The following ERMP1 variants were observed in gnomAD, a reference collection of about 807,000 sequenced individuals.
The protein encoded by ERMP1 is endoplasmic reticulum metallopeptidase 1.
ERMP1 carries 86 observed loss-of-function variants against 92.0 expected under a neutral mutation model. That is an observed-to-expected ratio of 0.93 (90% CI 0.79 to 1.12). The LOEUF is 1.12. Among genes scored for constraint, ERMP1 ranks in the 50% most tolerant of loss-of-function variants. The pLI, the probability that ERMP1 is intolerant of heterozygous loss-of-function variation, is 0.00. For missense variants in ERMP1, 1,342 were observed against 1,116.3 expected, an observed-to-expected ratio of 1.20 and a Z score of -2.88; for synonymous variants, 530 against 412.8, an observed-to-expected ratio of 1.28 and a Z score of -3.44.
intron 13 of ERMP1, among the ~76,000 whole-genome samples, chr9:5,796,046 G>A (rs1828411910): frequency 6.6e-6 from 1 of 152,110 alleles, no homozygotes; most frequent in African/African-American, 2.4e-5. Context: ...CTACAGAACT[G>A]ATGAAAGAAA....
chr9:5,866,841 C>A (rs1226710275), intron 5 of ERMP1, among the ~76,000 whole-genome samples: 3 of 152,104 alleles, frequency 2.0e-5, no homozygotes, highest in Non-Finnish European at 4.4e-5. Flanking sequence ...TATTCGTGAG[C>A]CCTCAGGCAA....
intron 6 of ERMP1, among the ~76,000 whole-genome samples, chr9:5,854,541 C>CT (rs1490585863): frequency 6.6e-6 from 1 of 152,126 alleles, no homozygotes; most frequent in African/African-American, 2.4e-5. Flanking sequence ...TGGTCTTATA[C>CT]TTTTTTCTGA....
chr9:5,810,888 G>C (rs892860014), intron 7 of ERMP1, among the ~76,000 whole-genome samples: 1 of 151,954 alleles, frequency 6.6e-6, no homozygotes, highest in African/African-American at 2.4e-5. Context: ...GTTTCTATGT[G>C]GTACTTTTAT....
chr9:5,809,977 C>G (rs2131236137), intron 8 of ERMP1, 34 bp downstream of exon 8: 1 of 1,437,214 alleles, frequency 7.0e-7, no homozygotes, highest in Non-Finnish European at 9.8e-7. Flanking sequence ...CTGGAGGCAA[C>G]AGAAAGAAAT....
upstream of ERMP1, chr9:5,833,192 T>C: frequency 1.6e-6 from 1 of 630,320 alleles, no homozygotes; most frequent in Non-Finnish European, 2.5e-6. Context: ...ACCCAGCTTC[T>C]TTGGCAGTTC....
intron 13 of ERMP1, among the ~76,000 whole-genome samples, chr9:5,789,165 G>C (rs76506047): frequency 0.044 from 6,688 of 151,954 alleles, 279 homozygotes; most frequent in South Asian, 0.22. Flanking sequence ...CATTGAAAGA[G>C]ACTACCAGGC....
intron 1 of ERMP1, 149 bp from the exon 2 acceptor site, chr9:5,831,177 A>G (rs1289714174): frequency 1.6e-6 from 1 of 615,978 alleles, no homozygotes; most frequent in Non-Finnish European, 2.8e-6. Context: ...TTCAGACACC[A>G]AGTGAACATC....
chr9:5,784,950 G>C lies in ERMP1; in HGVS notation c.*2194C>G, dbSNP rs1178902439. ...AGACCCTTTTAGAAATTATTTAAATGATCACTCTTTAAAAATTTTTTTTAA... is the reference window on the plus strand; with the variant it reads ...AGACCCTTTTAGAAATTATTTAAATCATCACTCTTTAAAAATTTTTTTTAA... On this transcript the variant is annotated 3_prime_UTR_variant, in exon 15 of 15. Transcript: ENST00000339450. 3 of 152,020 alleles carry C rather than the reference G, an allele frequency of 2.0e-5. No individual in the cohort carries two copies. Among genetic ancestry groups the C allele is most frequent in the Admixed American group, 2.0e-4 (3 of 15,272 alleles). The allele number at this position is 152,020 out of a possible 1,614,324, so 9.4% of individuals were successfully genotyped here. A position where few individuals can be genotyped will look rare whatever the true frequency, so the allele number is the denominator to read the frequency against.
At chr9:5,818,567 T>C (rs1829409038) in intron 4 of ERMP1, among the ~76,000 whole-genome samples, 1 of 151,946 alleles carries the variant, frequency 6.6e-6, no homozygotes, top group Non-Finnish European at 1.5e-5. Context: ...AGTAAAAAAC[T>C]GGCTGGGCAT....
At chr9:5,806,497 G>T in intron 8 of ERMP1, among the ~76,000 whole-genome samples, 1 of 149,936 alleles carries the variant, frequency 6.7e-6, no homozygotes, top group East Asian at 2.0e-4. Context: ...GTGCGATCTC[G>T]GCCCACTGCA....
chr9:5,819,852 G>C (rs1829463236), intron 4 of ERMP1, among the ~76,000 whole-genome samples: 1 of 152,220 alleles, frequency 6.6e-6, no homozygotes, highest in African/African-American at 2.4e-5. Context: ...TAGACAGGCA[G>C]TTGCCTAGGG....
chr9:5,847,118 T>A (rs1283428527), intron 6 of ERMP1, among the ~76,000 whole-genome samples: 1 of 152,192 alleles, frequency 6.6e-6, no homozygotes, highest in Non-Finnish European at 1.5e-5. Flanking sequence ...GTAAATTGAA[T>A]TTGCTGTTTA....
At chr9:5,854,415 C>G (rs1830346894) in intron 6 of ERMP1, among the ~76,000 whole-genome samples, 1 of 152,144 alleles carries the variant, frequency 6.6e-6, no homozygotes, top group Non-Finnish European at 1.5e-5. Context: ...TTATAATATG[C>G]TTGGGTCACT....
rs145639054 is a variant in ERMP1, at chr9:5,797,894, C to T, written c.2309G>A (p.Arg770Lys). ...WYLPAPEVSP[R>K]NPPHFRLISK... is the part of the protein sequence containing the mutation. ...TATGAGTCGGAAATGAGGAGGATTT[C>T]TTGGAGAAACTTCTGGGGCAGGAAG... is the stretch of plus-strand genomic sequence containing the variant. The change falls in exon 13 of 15, where the codon AGA (arginine) becomes AAA (lysine). Residue 770 changes from arginine (R) to lysine (K), a missense_variant. Transcript: ENST00000339450. The T allele has an allele frequency of 1.8e-5, 29 of 1,613,658 alleles. 1 individual carries two copies. In the Middle Eastern group the frequency reaches 8.2e-4, roughly 46 times the overall value.
At chr9:5,807,214 T>C (rs1828902211) in intron 8 of ERMP1, among the ~76,000 whole-genome samples, 1 of 152,176 alleles carries the variant, frequency 6.6e-6, no homozygotes, top group Admixed American at 6.5e-5. Context: ...TTATCAGTTT[T>C]CTCACAAAAT....
At chr9:5,806,599 T>TA (rs971548649) in intron 8 of ERMP1, among the ~76,000 whole-genome samples, 27 of 151,352 alleles carry the variant, frequency 1.8e-4, no homozygotes, top group Non-Finnish European at 2.8e-4. Context: ...CAGCAAAGTT[T>TA]AAAAAAAACA....
At chr9:5,840,380 G>A (rs1437569898) in intron 6 of ERMP1, among the ~76,000 whole-genome samples, 1 of 152,164 alleles carries the variant, frequency 6.6e-6, no homozygotes. Flanking sequence ...AAGCTAAAAT[G>A]GTAAATCATG....
chr9:5,861,130 C>G lies in ERMP1; in HGVS notation n.3056-1519G>C, dbSNP rs1446119609. ...AGCTATGCTCTCTGTCAAAATGTTT[C>G]TGCATTTCTGAGAGGCAGTGAACCC... On this transcript the variant is annotated intron_variant and non_coding_transcript_variant, in intron 5 of 6. Transcript: ENST00000690753. Among the ~76,000 whole-genome samples, 4 of 149,372 alleles carry G rather than the reference C, an allele frequency of 2.7e-5. No individual in the cohort carries two copies. The South Asian group carries it at 6.3e-4, about 24-fold the overall frequency.
intron 6 of ERMP1, among the ~76,000 whole-genome samples, chr9:5,844,035 G>A (rs1302275515): frequency 1.3e-5 from 2 of 152,124 alleles, no homozygotes; most frequent in Non-Finnish European, 2.9e-5. Context: ...TGTGAAGTAT[G>A]ATGGCATTTC....
Sources: gnomAD v4.1 joint callset for allele counts (sites outside exome capture counted in the v4.1 genomes callset) on GRCh38, gnomAD v4.1.1 for gene constraint, MANE v1.5 for transcripts, NCBI Gene and HGNC (gene_info 2026-07-23, HGNC 2026-07-21) for gene names.